POLR1A: variants seen among roughly 807,000 people sequenced by gnomAD.
POLR1A encodes RNA polymerase I subunit A.
Under a neutral mutation model 205.3 loss-of-function variants are expected in POLR1A, and 84 were observed. That is an observed-to-expected ratio of 0.41 (90% CI 0.34 to 0.49). The LOEUF (loss-of-function observed/expected upper bound fraction) is 0.49. POLR1A is among the 20% of genes least tolerant of loss of function. The pLI is 0.22. For missense variants in POLR1A, 1,645 were observed against 2,204.5 expected, an observed-to-expected ratio of 0.75 and a Z score of 5.08; for synonymous variants, 799 against 863.7, an observed-to-expected ratio of 0.93 and a Z score of 1.31.
At chr2:86,088,091 G>A (rs867443866) in intron 6 of POLR1A, among the ~76,000 whole-genome samples, 1 of 152,188 alleles carries the variant, frequency 6.6e-6, no homozygotes, top group South Asian at 2.1e-4. Flanking sequence ...GGGTAGGGCA[G>A]AGCTGAGGAA....
chr2:86,098,813 A>G, intron 2 of POLR1A, 53 bp from the exon 3 acceptor site: 2 of 1,581,730 alleles, frequency 1.3e-6, no homozygotes, highest in Non-Finnish European at 1.7e-6. Context: ...CACAGTAGCC[A>G]TGGTGATTTT....
At chr2:86,091,212 T>C (rs949992750) in intron 3 of POLR1A, among the ~76,000 whole-genome samples, 5 of 152,222 alleles carry the variant, frequency 3.3e-5, no homozygotes, top group African/African-American at 4.8e-5. Flanking sequence ...AATGAGAATC[T>C]TCTCTGGAGA....
At position 86,039,167 on chromosome 2, in the gene POLR1A, G is replaced by A. The variant is rs773896551; in HGVS notation, c.3876+160C>T. ...CTAATGACTCTCTTAAAAGCTTCCT[G>A]ATCCATCTCTGCTCAGCACCTGGCA... On this transcript the variant is annotated intron_variant, in intron 26 of 33. Transcript: ENST00000263857. 7.4e-4 allele frequency among the ~76,000 whole-genome samples: 112 copies of A among 152,154 alleles called. 1 individual carries two copies. Among genetic ancestry groups the A allele is most frequent in the Non-Finnish European group, 1.6e-4 (11 of 68,024 alleles).
intron 6 of POLR1A, among the ~76,000 whole-genome samples, chr2:86,086,437 G>A (rs961216069): frequency 1.3e-5 from 2 of 152,178 alleles, no homozygotes; most frequent in African/African-American, 2.4e-5. Flanking sequence ...TCAGACCCAC[G>A]CTGAGGCTGC....
In POLR1A at chr2:86,028,832, CAAAGTGGTCAA is replaced by C; in HGVS notation, c.4780-132_4780-122del. ...TCTGGCAGCTCGGTACAGCTGATGA[CAAAGTGGTCAA>C]GAGGTGGCCCAGGATTAGCAGAAGG... On this transcript the variant is annotated intron_variant, in intron 31 of 33. Coordinates refer to ENST00000263857, the MANE Select transcript of POLR1A (RefSeq NM_015425.6). This position sits in a 1 kb window ranked among gnomAD's most constrained non-coding sequence, Gnocchi z 4.5. 1 of 705,876 alleles carries C rather than the reference CAAAGTGGTCAA, an allele frequency of 1.4e-6. No individual in the cohort carries two copies. Among genetic ancestry groups the C allele is most frequent in the Non-Finnish European group, 2.5e-6 (1 of 399,890 alleles). 43.7% of individuals were successfully genotyped at this position (705,876 alleles called of 1,614,324 possible).
chr2:86,099,875 C>G, intron 2 of POLR1A, 93 bp downstream of exon 2: 1 of 1,040,178 alleles, frequency 9.6e-7, no homozygotes, highest in South Asian at 1.3e-5. Context: ...GTGCCTGGGG[C>G]TTAACCTCCT....
chr2:86,039,025 C>T (rs1282054431), intron 26 of POLR1A, 168 bp from the exon 27 acceptor site: 1 of 664,466 alleles, frequency 1.5e-6, no homozygotes, highest in African/African-American at 1.8e-5. Context: ...CTGGGGGGCC[C>T]ACAGCCTGCA....
At chr2:86,083,022 G>C in intron 7 of POLR1A, 60 bp downstream of exon 7, 1 of 1,223,550 alleles carries the variant, frequency 8.2e-7, no homozygotes, top group Non-Finnish European at 1.2e-6. Context: ...CAGGGTTAAT[G>C]AGTCCAGGAA....
intron 6 of POLR1A, among the ~76,000 whole-genome samples, chr2:86,086,547 C>A (rs1673507726): frequency 6.6e-6 from 1 of 152,250 alleles, no homozygotes. Context: ...TGTGTCCTGG[C>A]ATTGTGCTCA....
Position 86,075,244 on chromosome 2 carries a change from AGTTTTGTGGC to A in POLR1A, c.1387_1396del (p.Ala463Ter). 6.2e-7 allele frequency: 1 copy of A among 1,607,308 alleles called. No individual in the cohort carries two copies. Among genetic ancestry groups the A allele is most frequent in the Non-Finnish European group, 8.5e-7 (1 of 1,176,032 alleles). On this transcript the variant is annotated frameshift_variant, in exon 12 of 34. Transcript: ENST00000263857. LOFTEE classifies it high-confidence loss of function. ...TGGGGTAACTGGCTGTGGGTAGGTC[AGTTTTGTGGC>A]AAACACCTGGAAATGAGGAATGGAG... is the stretch of plus-strand genomic sequence containing the variant.
chr2:86,043,034 A>C lies in POLR1A; in HGVS notation c.3297T>G (p.Ala1099=). The C allele has an allele frequency of 6.2e-7, 1 of 1,614,152 alleles. No individual in the cohort carries two copies. Among genetic ancestry groups the C allele is most frequent in the South Asian group, 1.1e-5 (1 of 91,086 alleles). Residue 1099 remains alanine (A), a synonymous_variant, in exon 23 of 34, where the codon GCT becomes GCG. Coordinates refer to ENST00000263857, the MANE Select transcript of POLR1A (RefSeq NM_015425.6). The part of the protein sequence containing the change: ...FLSYSQKIQE[A]VKALKLESEN... ...CACTCTCAAGTTTCAGGGCTTTCAC[A>C]GCTTCCTGAATTTTCTGGGAATAAC...
In POLR1A at chr2:86,033,703, T is replaced by G; in HGVS notation, c.4119A>C (p.Thr1373=). ...AFRNVNTRRA[T]QRDLDNAGEL... ...CCCCAGCGTTGTCCAGATCCCGCTG[T>G]GTAGCTCTTCGAGTGTTTACGTTCC... The change falls in exon 28 of 34, where the codon ACA becomes ACC. Residue 1373 remains threonine (T), a synonymous_variant. Transcript: ENST00000263857. 1 of 1,614,062 alleles carries G rather than the reference T, an allele frequency of 6.2e-7. No homozygotes were observed. Among genetic ancestry groups the G allele is most frequent in the African/African-American group, 1.3e-5 (1 of 75,070 alleles).
Position 86,028,058 on chromosome 2 carries a change from CG to C in POLR1A, c.4898-10del, listed in dbSNP as rs1189996885. 12 of 1,613,856 alleles carry C rather than the reference CG, an allele frequency of 7.4e-6. No individual in the cohort carries two copies. Among genetic ancestry groups the C allele is most frequent in the Non-Finnish European group, 1.0e-5 (12 of 1,179,914 alleles). On this transcript the variant is annotated splice_polypyrimidine_tract_variant and intron_variant, in intron 32 of 33. Coordinates refer to ENST00000263857, the MANE Select transcript of POLR1A (RefSeq NM_015425.6). This position sits in a 1 kb window ranked among gnomAD's most constrained non-coding sequence, Gnocchi z 4.5. ...AGGGTCGACCGCGATGCCTGTCAAA[CG>C]GGAGGTAAAATTAGGAGGGATTAAG...
rs772030966 is a variant in POLR1A, at chr2:86,077,921, C to T, written c.1318G>A (p.Ala440Thr). 3 of 1,613,810 alleles carry T rather than the reference C, an allele frequency of 1.9e-6. No homozygotes were observed. The South Asian group carries it at 3.3e-5, about 18-fold the overall frequency. ...TCTGGGCAGATGACTGAGCGCGCAG[C>T]GTAGTCCACTCGCTTTCCCATCATG... The part of the protein sequence containing the change: ...KHMMGKRVDY[A>T]ARSVICPDMY... Residue 440 changes from alanine (A) to threonine (T), a missense_variant, in exon 11 of 34, where the codon GCT (alanine) becomes ACT (threonine). Ala to Thr is a moderately conservative substitution (Grantham distance 58, BLOSUM62 0). Coordinates refer to ENST00000263857, the MANE Select transcript of POLR1A (RefSeq NM_015425.6).
intron 27 of POLR1A, among the ~76,000 whole-genome samples, chr2:86,037,914 C>A (rs1340199061): frequency 6.6e-6 from 1 of 152,236 alleles, no homozygotes; most frequent in East Asian, 1.9e-4. Flanking sequence ...ACAGGTTCCA[C>A]ACTCTTCAGT....
chr2:86,032,029 C>T (rs79015652), intron 29 of POLR1A, among the ~76,000 whole-genome samples: 1,997 of 152,238 alleles, frequency 0.013, 49 homozygotes, highest in African/African-American at 0.043. Context: ...TCCTTGAGTC[C>T]GATTTAAGTC....
chr2:86,028,722 G>A lies in POLR1A; in HGVS notation c.4780-11C>T. 6.2e-7 allele frequency: 1 copy of A among 1,601,460 alleles called. No homozygotes were observed. Among genetic ancestry groups the A allele is most frequent in the South Asian group, 1.1e-5 (1 of 90,856 alleles). ...GCGCAGATCCAGGACCTGGAGAGAG[G>A]AAGGAAGGGATTTATTTAGAGGGCC... On this transcript the variant is annotated splice_polypyrimidine_tract_variant and intron_variant, in intron 31 of 33. Transcript: ENST00000263857. The surrounding 1 kb of genome is among the most constrained non-coding windows in gnomAD (Gnocchi z 4.5).
intron 27 of POLR1A, among the ~76,000 whole-genome samples, chr2:86,035,577 C>T: frequency 6.6e-6 from 1 of 152,210 alleles, no homozygotes; most frequent in East Asian, 1.9e-4. Context: ...CCCAGCCTGT[C>T]TCAACTTGTG....
chr2:86,096,844 A>G (rs1216534178), intron 3 of POLR1A, among the ~76,000 whole-genome samples: 1 of 152,202 alleles, frequency 6.6e-6, no homozygotes, highest in Non-Finnish European at 1.5e-5. Context: ...AAGCACAGGC[A>G]ACAAAAGCCA....
Sources: gnomAD v4.1 joint callset for allele counts (sites outside exome capture counted in the v4.1 genomes callset) on GRCh38, gnomAD v4.1.1 for gene constraint, Gnocchi (gnomAD v3.1) non-coding constraint, MANE v1.5 for transcripts, NCBI Gene and HGNC (gene_info 2026-07-23, HGNC 2026-07-21) for gene names.